The following MCTP1 variants were observed in gnomAD, a reference collection of about 807,000 sequenced individuals.
The protein encoded by MCTP1 is multiple C2 and transmembrane domain containing 1.
A neutral mutation model predicts 120.6 loss-of-function variants in MCTP1; 69 were observed. That is an observed-to-expected ratio of 0.57 (90% CI 0.47 to 0.70). MCTP1 has a LOEUF of 0.70. MCTP1 is among the 30% of genes least tolerant of loss of function. MCTP1 has a pLI of 0.00. For synonymous variants in MCTP1, 529 were observed against 493.1 expected, an observed-to-expected ratio of 1.07 and a Z score of -0.96; for missense variants, 1,203 against 1,248.8, an observed-to-expected ratio of 0.96 and a Z score of 0.55.
chr5:95,190,104 G>A (rs972434213), intron 1 of MCTP1, among the ~76,000 whole-genome samples: 6 of 152,070 alleles, frequency 3.9e-5, no homozygotes, highest in Admixed American at 3.3e-4. Context: ...CAAGCTTGCC[G>A]TGTTTTTAAA....
chr5:95,160,445 T>C (rs1745595064), intron 1 of MCTP1, among the ~76,000 whole-genome samples: 1 of 152,142 alleles, frequency 6.6e-6, no homozygotes, highest in African/African-American at 2.4e-5. Flanking sequence ...ATTTGCCATG[T>C]TCTAGGCACT....
chr5:95,016,028 T>A (rs1001700536), intron 2 of MCTP1, among the ~76,000 whole-genome samples: 3 of 152,144 alleles, frequency 2.0e-5, no homozygotes, highest in African/African-American at 7.2e-5. Context: ...ATTTTCTTTA[T>A]CTAATTTGTG....
At chr5:94,747,947 C>A (rs113166643) in intron 19 of MCTP1, among the ~76,000 whole-genome samples, 1 of 151,888 alleles carries the variant, frequency 6.6e-6, no homozygotes, top group Admixed American at 6.6e-5. Flanking sequence ...AAAAATTGCT[C>A]GGCGTAGTGG....
intron 1 of MCTP1, among the ~76,000 whole-genome samples, chr5:95,077,862 G>T (rs1245072198): frequency 6.6e-6 from 1 of 152,156 alleles, no homozygotes; most frequent in African/African-American, 2.4e-5. Context: ...ATTCCACATT[G>T]AAAACTATCA....
chr5:95,158,150 T>C (rs1745328686), intron 1 of MCTP1, among the ~76,000 whole-genome samples: 1 of 152,202 alleles, frequency 6.6e-6, no homozygotes, highest in African/African-American at 2.4e-5. Context: ...GGCAGTCAAT[T>C]CCACAAACAC....
intron 10 of MCTP1, among the ~76,000 whole-genome samples, chr5:94,905,794 G>T (rs1235167450): frequency 5.3e-5 from 8 of 152,178 alleles, no homozygotes; most frequent in Non-Finnish European, 1.2e-4. Context: ...AATCTGGAAT[G>T]CAGAGAAGAG....
In MCTP1 at chr5:94,911,747, A is replaced by T. The variant is rs6867891; in HGVS notation, c.1521+1059T>A. ...TGCCAAAAATATAGTTATGACTACT[A>T]GACCCTTATTCATTATTACTTATAT... On this transcript the variant is annotated intron_variant, in intron 9 of 22. Transcript: ENST00000515393. Among the ~76,000 whole-genome samples, 806 of 152,290 alleles carry T rather than the reference A, an allele frequency of 5.3e-3. 7 individuals carry two copies. The highest frequency in any genetic ancestry group is 0.018 in the African/African-American group (737 of 41,562).
chr5:95,007,754 T>G (rs1245058340), intron 2 of MCTP1, among the ~76,000 whole-genome samples: 1 of 152,132 alleles, frequency 6.6e-6, no homozygotes, highest in Non-Finnish European at 1.5e-5. Flanking sequence ...TCACTGGGGG[T>G]AAACTTCTAA....
chr5:94,909,451 A>C, intron 9 of MCTP1, 70 bp from the exon 10 acceptor site: 3 of 1,497,066 alleles, frequency 2.0e-6, no homozygotes, highest in Non-Finnish European at 2.7e-6. Flanking sequence ...TGAGACACTA[A>C]ATCAAACTTT....
chr5:95,065,482 C>A (rs1157668447), intron 1 of MCTP1, among the ~76,000 whole-genome samples: 2 of 151,910 alleles, frequency 1.3e-5, no homozygotes, highest in Non-Finnish European at 2.9e-5. Context: ...TAATGTAACT[C>A]ATCAATTAGT....
At chr5:95,221,996 T>C (rs1219700900) in intron 1 of MCTP1, among the ~76,000 whole-genome samples, 1 of 152,216 alleles carries the variant, frequency 6.6e-6, no homozygotes, top group Non-Finnish European at 1.5e-5. Flanking sequence ...TCTGTCAGAG[T>C]AACCCTAGAC....
intron 2 of MCTP1, among the ~76,000 whole-genome samples, chr5:95,012,656 C>T (rs1011686219): frequency 2.6e-5 from 4 of 152,076 alleles, no homozygotes; most frequent in Admixed American, 2.6e-4. Context: ...TGATCTTTGA[C>T]ATTACTATTG....
In MCTP1 at chr5:95,116,877, C is replaced by T. The variant is rs147867646; in HGVS notation, c.721-99393G>A. 1.6e-3 allele frequency among the ~76,000 whole-genome samples: 237 copies of T among 152,222 alleles called. 1 individual carries two copies. The highest frequency in any genetic ancestry group is 4.7e-3 in the African/African-American group (194 of 41,536). On this transcript the variant is annotated intron_variant, in intron 1 of 22. Coordinates refer to ENST00000515393, the MANE Select transcript of MCTP1 (RefSeq NM_024717.7). Reference sequence around the variant, plus strand: ...TATACAAATGCCTGTGATTTCTGAACATTGATTTTGTATTCTGAGACTGCT... The same window carrying T: ...TATACAAATGCCTGTGATTTCTGAATATTGATTTTGTATTCTGAGACTGCT...
At chr5:94,932,691 A>G (rs2153482678) in intron 5 of MCTP1, among the ~76,000 whole-genome samples, 1 of 152,090 alleles carries the variant, frequency 6.6e-6, no homozygotes, top group East Asian at 1.9e-4. Context: ...TTCTCTCTTC[A>G]CTTTAAAAAA....
chr5:95,183,259 C>A (rs1329530585), intron 1 of MCTP1, among the ~76,000 whole-genome samples: 1 of 151,886 alleles, frequency 6.6e-6, no homozygotes, highest in African/African-American at 2.4e-5. Context: ...TAATAAACCT[C>A]AACCTCACAC....
chr5:95,049,868 C>T (rs1745445119), intron 1 of MCTP1, among the ~76,000 whole-genome samples: 1 of 152,140 alleles, frequency 6.6e-6, no homozygotes, highest in Non-Finnish European at 1.5e-5. Context: ...TCCGTATCAC[C>T]TGTCTTCTCT....
chr5:94,825,114 C>T (rs191338475), intron 17 of MCTP1, among the ~76,000 whole-genome samples: 2,390 of 152,186 alleles, frequency 0.016, 28 homozygotes, highest in Middle Eastern at 0.034. Context: ...TTCTCTAGTT[C>T]TTTTAATTGT....
At chr5:94,707,796 A>ACTGT (rs1554074676) in intron 22 of MCTP1, among the ~76,000 whole-genome samples, 1 of 151,946 alleles carries the variant, frequency 6.6e-6, no homozygotes, top group Non-Finnish European at 1.5e-5. Flanking sequence ...AATGGTATTC[A>ACTGT]CTGTCTATAA....
intron 1 of MCTP1, among the ~76,000 whole-genome samples, chr5:95,056,190 T>C (rs1747345721): frequency 1.3e-5 from 2 of 152,232 alleles, no homozygotes; most frequent in African/African-American, 2.4e-5. Context: ...ACACATTTAA[T>C]ATTCTAACTA....
Sources: allele counts gnomAD v4.1 joint callset (sites outside exome capture counted in the v4.1 genomes callset), GRCh38; gene constraint gnomAD v4.1.1; transcripts MANE v1.5; gene names NCBI Gene and HGNC (gene_info 2026-07-23, HGNC 2026-07-21).